Variants in NCAPH observed in about 807,000 individuals in gnomAD.
The protein encoded by NCAPH is non-SMC condensin I complex subunit H.
NCAPH carries 38 observed loss-of-function variants against 85.5 expected under a neutral mutation model. The ratio of observed to expected loss-of-function variants is 0.44; its 90% CI spans 0.34 to 0.58. The LOEUF (loss-of-function observed/expected upper bound fraction) is 0.58. Ranked by LOEUF, NCAPH falls within the 20% of genes least tolerant of loss-of-function variation. The pLI, the probability that NCAPH is intolerant of heterozygous loss-of-function variation, is 0.01. For missense variants in NCAPH, 789 were observed against 916.6 expected (o/e 0.86, Z 1.80); for synonymous variants, 301 against 335.1 (o/e 0.90, Z 1.11).
chr2:96,372,045 C>CAGAA (rs2064781468), intron 17 of NCAPH, among the ~76,000 whole-genome samples: 1 of 152,216 alleles, frequency 6.6e-6, no homozygotes, highest in Non-Finnish European at 1.5e-5. Context: ...GTGACTTGAG[C>CAGAA]GTTCTGTCTT....
Position 96,341,888 on chromosome 2 carries a change from C to G in NCAPH, c.266C>G (p.Ser89Cys). The change falls in exon 2 of 18, where the codon TCC becomes TGC. Residue 89 changes from serine (S) to cysteine (C), a missense_variant. By Grantham distance (112) the Ser-to-Cys change is moderately radical. Transcript: ENST00000240423. ...TDSPRLLASP[S>C]SRSIDISATI... ...TCACCTCGCTTATTGGCCTCCCCCTCCAGCAGGTGAGGTGCTCCTGGGCTG... is the reference window on the plus strand; with the variant it reads ...TCACCTCGCTTATTGGCCTCCCCCTGCAGCAGGTGAGGTGCTCCTGGGCTG... 1 of 1,609,010 alleles carries G rather than the reference C, an allele frequency of 6.2e-7. No individual in the cohort carries two copies. Among genetic ancestry groups the G allele is most frequent in the African/African-American group, 1.3e-5 (1 of 74,998 alleles).
chr2:96,351,466 C>T (rs2064440848), intron 6 of NCAPH, among the ~76,000 whole-genome samples: 2 of 152,042 alleles, frequency 1.3e-5, no homozygotes, highest in South Asian at 4.1e-4. Context: ...GTCAGGAGTT[C>T]AAGACCAGCC....
At chr2:96,369,590 C>A (rs2064745535) in intron 17 of NCAPH, 90 bp downstream of exon 17, 3 of 1,324,350 alleles carry the variant, frequency 2.3e-6, no homozygotes. Flanking sequence ...CATGGGCTAA[C>A]ATAGGATTTC....
intron 6 of NCAPH, among the ~76,000 whole-genome samples, chr2:96,348,930 C>T (rs184518702): frequency 1.3e-5 from 2 of 151,942 alleles, no homozygotes; most frequent in Non-Finnish European, 2.9e-5. Context: ...ATTACAGACG[C>T]GAGCCACCGC....
chr2:96,349,631 C>T (rs1390834106), intron 6 of NCAPH, among the ~76,000 whole-genome samples: 1 of 152,178 alleles, frequency 6.6e-6, no homozygotes, highest in Non-Finnish European at 1.5e-5. Context: ...ATCTGCCTGC[C>T]TCGGCCTCCC....
chr2:96,372,410 G>A (rs1209542681), intron 17 of NCAPH, among the ~76,000 whole-genome samples: 2 of 152,102 alleles, frequency 1.3e-5, no homozygotes, highest in Non-Finnish European at 2.9e-5. Flanking sequence ...AGGCATGCAT[G>A]GTTGGGGTTA....
At chr2:96,371,092 A>G (rs2064766780) in intron 17 of NCAPH, among the ~76,000 whole-genome samples, 1 of 152,194 alleles carries the variant, frequency 6.6e-6, no homozygotes, top group Non-Finnish European at 1.5e-5. Flanking sequence ...AAAATAAATT[A>G]TTATCATTGT....
chr2:96,352,145 G>GGT, intron 7 of NCAPH, 125 bp downstream of exon 7: 1 of 991,750 alleles, frequency 1.0e-6, no homozygotes, highest in Non-Finnish European at 1.5e-6. Context: ...GTTTCCTCTG[G>GGT]AATGCCAAAT....
intron 17 of NCAPH, among the ~76,000 whole-genome samples, chr2:96,371,452 T>C (rs1395920861): frequency 2.0e-5 from 3 of 152,228 alleles, no homozygotes; most frequent in Non-Finnish European, 4.4e-5. Context: ...CTCACTTGTT[T>C]CTTAAGGAGT....
intron 6 of NCAPH, among the ~76,000 whole-genome samples, chr2:96,345,026 T>C (rs561396067): frequency 6.6e-6 from 1 of 152,262 alleles, no homozygotes; most frequent in East Asian, 1.9e-4. Flanking sequence ...CATTCATAAA[T>C]GGTAATTAAG....
At chr2:96,352,208 G>A (rs1009066030) in intron 7 of NCAPH, among the ~76,000 whole-genome samples, 188 bp downstream of exon 7, 5 of 152,002 alleles carry the variant, frequency 3.3e-5, no homozygotes, top group African/African-American at 9.7e-5. Flanking sequence ...TCTTCTCTGC[G>A]GCGTGGAGTC....
Position 96,373,470 on chromosome 2 carries a change from C to A in NCAPH, c.*119C>A. ...TACCCAGGCTGTAGCCAACTACCAACGTGCCTGTTTGTTTGTTGCTCTTTC... is the reference window on the plus strand; with the variant it reads ...TACCCAGGCTGTAGCCAACTACCAAAGTGCCTGTTTGTTTGTTGCTCTTTC... On this transcript the variant is annotated 3_prime_UTR_variant, in exon 18 of 18. Coordinates refer to ENST00000240423, the MANE Select transcript of NCAPH (RefSeq NM_015341.5). 1 of 914,704 alleles carries A rather than the reference C, an allele frequency of 1.1e-6. No individual in the cohort carries two copies. The highest frequency in any genetic ancestry group is 1.7e-6 in the Non-Finnish European group (1 of 576,062). The allele number at this position is 914,704 out of a possible 1,614,324, so 56.7% of individuals were successfully genotyped here.
chr2:96,335,766 G>A lies in NCAPH; in HGVS notation c.-64G>A. On this transcript the variant is annotated 5_prime_UTR_variant, in exon 1 of 18. Coordinates refer to ENST00000240423, the MANE Select transcript of NCAPH (RefSeq NM_015341.5). ...GGCCCGCCGGCGACGTCACGCGGCCGTTACGGCGCTCAGGCGTCTCGACGC... is the reference window on the plus strand; with the variant it reads ...GGCCCGCCGGCGACGTCACGCGGCCATTACGGCGCTCAGGCGTCTCGACGC... 1.4e-6 allele frequency: 2 copies of A among 1,447,270 alleles called. No homozygotes were observed. Among genetic ancestry groups the A allele is most frequent in the Non-Finnish European group, 1.8e-6 (2 of 1,100,314 alleles). The allele number at this position is 1,447,270 out of a possible 1,614,324, so 89.7% of individuals were successfully genotyped here. A position where few individuals can be genotyped will look rare whatever the true frequency, so the allele number is the denominator to read the frequency against.
intron 1 of NCAPH, among the ~76,000 whole-genome samples, chr2:96,339,908 CCTT>C (rs147412585): frequency 0.024 from 3,661 of 152,092 alleles, 143 homozygotes; most frequent in African/African-American, 0.084. Context: ...GCTGGTTTCT[CCTT>C]CTTTATTTTT....
rs537392401 is a variant in NCAPH at position 96,338,493 on chromosome 2, G to T, written c.19+2645G>T. ...TGCCCTAAAGGTGTCCAGAACCTGT[G>T]AATATGTTATCTTACGTGGTGAAAG... On this transcript the variant is annotated intron_variant, in intron 1 of 17. Transcript: ENST00000240423. 9.1e-4 allele frequency among the ~76,000 whole-genome samples: 139 copies of T among 152,332 alleles called. 1 individual carries two copies. In the South Asian group the frequency reaches 0.028, roughly 31 times the overall value.
At position 96,353,315 on chromosome 2, in the gene NCAPH, A is replaced by T; in HGVS notation, c.920A>T (p.Gln307Leu). ...TTGCTATCCTCTCCAGCGCCCTTGCAGCAGTGTGCAGAAGATCGCCAGATC... is the reference window on the plus strand; with the variant it reads ...TTGCTATCCTCTCCAGCGCCCTTGCTGCAGTGTGCAGAAGATCGCCAGATC... ...VEMTDLKAPLQQCAEDRQICP... is the reference protein window; with the variant it reads ...VEMTDLKAPLLQCAEDRQICP... The change falls in exon 8 of 18, where the codon CAG becomes CTG. Residue 307 changes from glutamine to leucine, a missense_variant. Transcript: ENST00000240423. 6.2e-7 allele frequency: 1 copy of T among 1,614,174 alleles called. No homozygotes were observed. The highest frequency in any genetic ancestry group is 8.5e-7 in the Non-Finnish European group (1 of 1,180,010).
chr2:96,367,139 T>C (rs2064711391), intron 14 of NCAPH, 118 bp from the exon 15 acceptor site: 1 of 655,682 alleles, frequency 1.5e-6, no homozygotes, highest in South Asian at 1.7e-5. Context: ...GCTCTGTAGC[T>C]CCTTGGTTGA....
rs778601934 is a variant in NCAPH, at chr2:96,359,092, C to G, written c.1256C>G (p.Pro419Arg). The G allele has an allele frequency of 6.2e-6, 10 of 1,614,012 alleles. No individual in the cohort carries two copies. The South Asian group carries it at 9.9e-5, about 16-fold the overall frequency. Residue 419 changes from proline (P) to arginine (R), a missense_variant, in exon 10 of 18, where the codon CCC (proline) becomes CGC (arginine). By Grantham distance (103) the Pro-to-Arg change is moderately radical. Coordinates refer to ENST00000240423, the MANE Select transcript of NCAPH (RefSeq NM_015341.5). ...GATGGAGACATCAGGACCATGTGCC[C>G]CCTTCTGTCTATGAAACCTGGAGAA... ...LGDGDIRTMC[P>R]LLSMKPGEYS...
chr2:96,360,234 T>C lies in NCAPH; in HGVS notation c.1449T>C (p.Tyr483=). 6.6e-7 allele frequency: 1 copy of C among 1,505,358 alleles called. No individual in the cohort carries two copies. 93.3% of individuals were successfully genotyped at this position (1,505,358 alleles called of 1,614,324 possible). The change falls in exon 11 of 18, where the codon TAT becomes TAC. Residue 483 remains tyrosine, a synonymous_variant. Coordinates refer to ENST00000240423, the MANE Select transcript of NCAPH (RefSeq NM_015341.5). Reference sequence around the variant, plus strand: ...AAGATGATATTGACTTTGATGTATATTTTAGAAAAACAAAGGTTTGTACTG... The same window carrying C: ...AAGATGATATTGACTTTGATGTATACTTTAGAAAAACAAAGGTTTGTACTG... The part of the protein sequence containing the change: ...DFEDDIDFDV[Y]FRKTKAATIL...
Sources: allele counts gnomAD v4.1 joint callset (sites outside exome capture counted in the v4.1 genomes callset), GRCh38; gene constraint gnomAD v4.1.1; transcripts MANE v1.5; gene names NCBI Gene and HGNC (gene_info 2026-07-23, HGNC 2026-07-21).